The following MYO5C variants were observed in gnomAD, a reference collection of about 807,000 sequenced individuals.
MYO5C encodes the protein myosin VC.
A neutral mutation model predicts 235.7 loss-of-function variants in MYO5C; 194 were observed. The ratio of observed to expected loss-of-function variants is 0.82; its 90% CI spans 0.73 to 0.93. The LOEUF is 0.93. Ranked by LOEUF, MYO5C falls within the 40% of genes least tolerant of loss-of-function variation. MYO5C has a pLI of 0.00. For synonymous variants in MYO5C, 707 were observed against 754.8 expected (o/e 0.94, Z 1.04); for missense variants, 2,038 against 2,127.2 (o/e 0.96, Z 0.82).
intron 9 of MYO5C, among the ~76,000 whole-genome samples, chr15:52,262,002 T>C (rs2036707661): frequency 6.6e-6 from 1 of 152,178 alleles, no homozygotes; most frequent in Non-Finnish European, 1.5e-5. Context: ...TGCTGACCAA[T>C]ATCACAGTAA....
chr15:52,275,846 A>C, intron 4 of MYO5C, 128 bp from the exon 5 acceptor site: 37 of 906,032 alleles, frequency 4.1e-5, no homozygotes, highest in Non-Finnish European at 5.5e-5. Context: ...TTTAAATCTC[A>C]ATCAATTTCC....
intron 32 of MYO5C, among the ~76,000 whole-genome samples, chr15:52,216,746 A>G (rs1004930738): frequency 6.6e-6 from 1 of 152,156 alleles, no homozygotes; most frequent in South Asian, 2.1e-4. Context: ...GTGCCTTTAT[A>G]TGGAAATAGG....
intron 25 of MYO5C, among the ~76,000 whole-genome samples, chr15:52,226,501 C>T (rs1364413664): frequency 6.6e-6 from 1 of 152,144 alleles, no homozygotes; most frequent in African/African-American, 2.4e-5. Flanking sequence ...TTTTCAGTTA[C>T]CCTGAGTATT....
intron 9 of MYO5C, among the ~76,000 whole-genome samples, chr15:52,263,303 T>C (rs2036732068): frequency 6.6e-6 from 1 of 152,202 alleles, no homozygotes. Flanking sequence ...TTGATGAGAC[T>C]AATTAAACAC....
intron 24 of MYO5C, among the ~76,000 whole-genome samples, chr15:52,232,359 G>A (rs2035984362): frequency 7.3e-6 from 1 of 137,132 alleles, no homozygotes; most frequent in South Asian, 2.5e-4. Flanking sequence ...AGAAAGAAAG[G>A]AAAAGAAAAG....
chr15:52,288,252 G>A (rs1008497735), intron 1 of MYO5C, among the ~76,000 whole-genome samples: 24 of 152,302 alleles, frequency 1.6e-4, no homozygotes, highest in African/African-American at 4.8e-4. Context: ...TTTGAACTCC[G>A]TATTAGTTAA....
rs576525916 is a variant in MYO5C at position 52,288,156 on chromosome 15, A to G, written c.28-5264T>C. On this transcript the variant is annotated intron_variant, in intron 1 of 40. Coordinates refer to ENST00000261839, the MANE Select transcript of MYO5C (RefSeq NM_018728.4). ...TTTTGTTTAACAGAGCCCCTAACTG[A>G]AGCCCAGAGAGAAATAACTCACCAA... is the stretch of plus-strand genomic sequence containing the variant. 2.8e-4 allele frequency among the ~76,000 whole-genome samples: 42 copies of G among 152,234 alleles called. No individual in the cohort carries two copies. In the South Asian group the frequency reaches 8.7e-3, roughly 32 times the overall value.
Position 52,225,098 on chromosome 15 carries a change from A to T in MYO5C, c.3342T>A (p.Tyr1114Ter), listed in dbSNP as rs758518877. The T allele has an allele frequency of 2.5e-6, 4 of 1,614,124 alleles. No homozygotes were observed. The highest frequency in any genetic ancestry group is 1.7e-4 in the Middle Eastern group (1 of 6,060). ...ACCTGCTTCTTACATCTTCAATGTC[A>T]TAGCTTTCGAGAAGTTGTTTGGTGA... is the stretch of plus-strand genomic sequence containing the variant. ...SEITKQLLES[Y>*]DIEDVRSRLS... is the part of the protein sequence containing the mutation. The change falls in exon 27 of 41, where the codon TAT (tyrosine) becomes TAA (stop). Residue 1114 changes from tyrosine (Y) to a stop codon, truncating the protein, a stop_gained. Coordinates refer to ENST00000261839, the MANE Select transcript of MYO5C (RefSeq NM_018728.4). LOFTEE classifies it high-confidence loss of function.
At chr15:52,268,346 C>T (rs761324194) in intron 8 of MYO5C, among the ~76,000 whole-genome samples, 1 of 152,124 alleles carries the variant, frequency 6.6e-6, no homozygotes, top group East Asian at 1.9e-4. Context: ...GGGCAGATCA[C>T]GAGGTCAGGA....
chr15:52,260,386 T>C (rs1198642373), intron 10 of MYO5C, among the ~76,000 whole-genome samples: 7 of 152,204 alleles, frequency 4.6e-5, no homozygotes, highest in African/African-American at 1.7e-4. Context: ...AGGTGACTTG[T>C]CATCCCCTGT....
chr15:52,214,552 C>A, intron 33 of MYO5C, 51 bp downstream of exon 33: 1 of 1,271,832 alleles, frequency 7.9e-7, no homozygotes. Flanking sequence ...AACACTTGAG[C>A]GCATGTTAGC....
intron 11 of MYO5C, among the ~76,000 whole-genome samples, chr15:52,255,744 C>T (rs886994805): frequency 2.0e-5 from 3 of 152,118 alleles, no homozygotes; most frequent in Admixed American, 6.5e-5. Flanking sequence ...ATAATAAATG[C>T]CCAAACAGCC....
chr15:52,290,777 G>C (rs975408743), intron 1 of MYO5C, among the ~76,000 whole-genome samples: 13 of 152,136 alleles, frequency 8.5e-5, no homozygotes, highest in African/African-American at 3.1e-4. Flanking sequence ...AGATGATCAA[G>C]ATTCAAAAGG....
chr15:52,238,521 G>A (rs1029995237), intron 21 of MYO5C, among the ~76,000 whole-genome samples: 16 of 152,218 alleles, frequency 1.1e-4, no homozygotes, highest in Non-Finnish European at 2.1e-4. Context: ...CTCACCTTAG[G>A]AGAGCCTCAG....
intron 1 of MYO5C, among the ~76,000 whole-genome samples, chr15:52,285,864 A>C (rs2037254197): frequency 6.6e-6 from 1 of 152,178 alleles, no homozygotes; most frequent in Admixed American, 6.5e-5. Context: ...CAAAGTGCCG[A>C]GATTGCAGCC....
chr15:52,272,708 T>G lies in MYO5C; in HGVS notation c.622A>C (p.Lys208Gln). 6.2e-7 allele frequency: 1 copy of G among 1,613,116 alleles called. No homozygotes were observed. The change falls in exon 6 of 41, where the codon AAG becomes CAG. Residue 208 changes from lysine to glutamine, a missense_variant. Physicochemically the swap from Lys to Gln is moderately conservative, Grantham distance 53. Transcript: ENST00000261839. Reference sequence around the variant, plus strand: ...CTACTATTGTCATTGCGGGTGGTCTTGGCATTTCCAACGGCCTAAAAAAAA... The same window carrying G: ...CTACTATTGTCATTGCGGGTGGTCTGGGCATTTCCAACGGCCTAAAAAAAA... ...NPITEAVGNA[K>Q]TTRNDNSSRF...
At chr15:52,262,980 G>A (rs566315768) in intron 9 of MYO5C, among the ~76,000 whole-genome samples, 3 of 152,148 alleles carry the variant, frequency 2.0e-5, no homozygotes, top group African/African-American at 7.2e-5. Context: ...TAGTGTTCTC[G>A]TAAGAGGCAT....
intron 21 of MYO5C, among the ~76,000 whole-genome samples, 181 bp from the exon 22 acceptor site, chr15:52,237,827 G>A (rs1476514319): frequency 6.6e-6 from 1 of 152,146 alleles, no homozygotes. Flanking sequence ...GGCAGATCTT[G>A]CTGGGTACAC....
rs756148015 is a variant in MYO5C, at chr15:52,194,025, T to G, written c.5106A>C (p.Ser1702=). 3 of 1,613,382 alleles carry G rather than the reference T, an allele frequency of 1.9e-6. No homozygotes were observed. Among genetic ancestry groups the G allele is most frequent in the Non-Finnish European group, 2.5e-6 (3 of 1,179,846 alleles). Residue 1702 remains serine, a synonymous_variant, in exon 41 of 41, where the codon TCA becomes TCC. Transcript: ENST00000261839. ...QALLNSREDS[S]QLMLDTKYLF... Reference sequence around the variant, plus strand: ...GATATTTGGTATCCAACATCAGCTGTGATGAATCCTCCCGGCTATTTAGGA... The same window carrying G: ...GATATTTGGTATCCAACATCAGCTGGGATGAATCCTCCCGGCTATTTAGGA...
Sources: allele counts gnomAD v4.1 joint callset (sites outside exome capture counted in the v4.1 genomes callset), GRCh38; gene constraint gnomAD v4.1.1; transcripts MANE v1.5; gene names NCBI Gene and HGNC (gene_info 2026-07-23, HGNC 2026-07-21).